ARB2A: variants seen among roughly 807,000 people sequenced by gnomAD.
The protein encoded by ARB2A is ARB2 cotranscriptional regulator A, also known as cotranscriptional regulator ARB2A.
At chr5:93,654,807 C>T in the ARB2A span, among the ~76,000 whole-genome samples, 4 of 152,196 alleles carry the variant, frequency 2.6e-5, no homozygotes, top group Admixed American at 2.6e-4. Context: ...TTTTTCCCGT[C>T]TTATGCCTGC....
At chr5:93,797,495 T>C in the ARB2A span, among the ~76,000 whole-genome samples, 1 of 152,150 alleles carries the variant, frequency 6.6e-6, no homozygotes, top group East Asian at 1.9e-4. Flanking sequence ...GCAGAATTTT[T>C]GTTACATCAC....
At chr5:94,051,349 G>C in the ARB2A span, among the ~76,000 whole-genome samples, 1 of 152,190 alleles carries the variant, frequency 6.6e-6, no homozygotes, top group Non-Finnish European at 1.5e-5. Flanking sequence ...AGGTTTCAGT[G>C]AGATTTCTCA....
the ARB2A span, among the ~76,000 whole-genome samples, chr5:93,775,917 G>A: frequency 6.6e-6 from 1 of 152,132 alleles, no homozygotes; most frequent in Admixed American, 6.5e-5. Flanking sequence ...TTCAACAGCA[G>A]TTGTCTATAC....
the ARB2A span, among the ~76,000 whole-genome samples, chr5:93,856,425 G>A: frequency 6.6e-6 from 1 of 152,164 alleles, no homozygotes; most frequent in African/African-American, 2.4e-5. Context: ...ACACCAATCA[G>A]ACGTAGATTT....
the ARB2A span, among the ~76,000 whole-genome samples, chr5:93,844,125 A>C: frequency 1.3e-5 from 2 of 151,376 alleles, no homozygotes; most frequent in Non-Finnish European, 2.9e-5. Flanking sequence ...AAAAACAAAA[A>C]AAAAAACAAA....
chr5:94,050,597 C>CA, the ARB2A span: 89,442 of 482,198 alleles, frequency 0.19, 59 homozygotes, highest in South Asian at 0.21. Flanking sequence ...TAAAAAGGAA[C>CA]AAAAAAAAAA....
the ARB2A span, among the ~76,000 whole-genome samples, chr5:93,755,623 C>T: frequency 6.6e-6 from 1 of 152,218 alleles, no homozygotes; most frequent in South Asian, 2.1e-4. Context: ...ACTGGAGAAA[C>T]TAAAGGTCTA....
chr5:93,712,390 T>C, the ARB2A span, among the ~76,000 whole-genome samples: 1 of 152,106 alleles, frequency 6.6e-6, no homozygotes, highest in Non-Finnish European at 1.5e-5. Flanking sequence ...TCAAGGCAAA[T>C]GAATCAGAAT....
At chr5:93,912,024 G>A in the ARB2A span, among the ~76,000 whole-genome samples, 20 of 151,584 alleles carry the variant, frequency 1.3e-4, no homozygotes, top group African/African-American at 4.1e-4. Context: ...TAATAAAGTC[G>A]AAATGAAGAG....
the ARB2A span, among the ~76,000 whole-genome samples, chr5:93,718,998 C>T: frequency 0.18 from 27,587 of 152,118 alleles, 2,861 homozygotes; most frequent in Middle Eastern, 0.27. Flanking sequence ...ACACTGACAG[C>T]TCTCTCTTGG....
the ARB2A span, among the ~76,000 whole-genome samples, chr5:93,762,221 GAGA>G: frequency 6.6e-6 from 1 of 152,210 alleles, no homozygotes; most frequent in African/African-American, 2.4e-5. Flanking sequence ...GATGAGTTGA[GAGA>G]AGAAGGCTTC....
the ARB2A span, among the ~76,000 whole-genome samples, chr5:93,840,030 T>C: frequency 6.6e-6 from 1 of 152,228 alleles, no homozygotes; most frequent in Admixed American, 6.5e-5. Context: ...AGTTCAGCTC[T>C]GATTTTGGTT....
chr5:94,059,434 C>A, the ARB2A span, among the ~76,000 whole-genome samples: 8 of 151,560 alleles, frequency 5.3e-5, no homozygotes, highest in African/African-American at 1.9e-4. Context: ...ACCAGCCCAG[C>A]CAACATGGTG....
chr5:93,729,921 G>A, the ARB2A span, among the ~76,000 whole-genome samples: 1 of 151,962 alleles, frequency 6.6e-6, no homozygotes, highest in Non-Finnish European at 1.5e-5. Flanking sequence ...ATTTATATAT[G>A]GTTTTATTTC....
the ARB2A span, chr5:93,741,502 G>A: frequency 1.9e-6 from 3 of 1,611,722 alleles, no homozygotes; most frequent in South Asian, 3.3e-5. Context: ...CGGCCCTCTG[G>A]GGCCGCCCCC....
chr5:93,890,009 T>C, the ARB2A span, among the ~76,000 whole-genome samples: 29 of 151,950 alleles, frequency 1.9e-4, no homozygotes, highest in Non-Finnish European at 4.0e-4. Context: ...CTTAAAATTG[T>C]ATGTCACACT....
At chr5:93,787,373 T>C in the ARB2A span, among the ~76,000 whole-genome samples, 2 of 152,200 alleles carry the variant, frequency 1.3e-5, no homozygotes. Context: ...TAAAGTTCCA[T>C]GGCTTAATAG....
chr5:93,943,778 T>C, the ARB2A span, among the ~76,000 whole-genome samples: 1 of 152,258 alleles, frequency 6.6e-6, no homozygotes, highest in East Asian at 1.9e-4. Context: ...ATATTCTAGA[T>C]AACCATCTAT....
At chr5:94,084,274 C>A in the ARB2A span, among the ~76,000 whole-genome samples, 15 of 73,068 alleles carry the variant, frequency 2.1e-4, no homozygotes, top group South Asian at 9.4e-4. Flanking sequence ...AACTTCATCT[C>A]AAAAAAAAAA....
Sources: gnomAD v4.1 joint callset for allele counts (sites outside exome capture counted in the v4.1 genomes callset) on GRCh38, gnomAD v4.1.1 for gene constraint, MANE v1.5 for transcripts, NCBI Gene and HGNC (gene_info 2026-07-23, HGNC 2026-07-21) for gene names.